Variants in PRKN observed in about 807,000 individuals in gnomAD.
The protein encoded by PRKN is E3 ubiquitin-protein ligase parkin.
In PRKN, 56 loss-of-function variants were observed where a neutral mutation model predicts 59.5. The ratio of observed to expected loss-of-function variants is 0.94; its 90% CI spans 0.76 to 1.18. The LOEUF is 1.18. PRKN is among the 50% of genes most tolerant of loss of function. PRKN has a pLI of 0.00. For missense variants in PRKN, 657 were observed against 596.4 expected, an observed-to-expected ratio of 1.10 and a Z score of -1.06; for synonymous variants, 250 against 222.1, an observed-to-expected ratio of 1.13 and a Z score of -1.12.
At chr6:162,156,504 T>C (rs1002450467) in intron 4 of PRKN, among the ~76,000 whole-genome samples, 1 of 152,164 alleles carries the variant, frequency 6.6e-6, no homozygotes, top group Non-Finnish European at 1.5e-5. Flanking sequence ...AGTCCAAAAG[T>C]TGAAGAACTT....
At chr6:161,732,503 G>C (rs1263056186) in intron 7 of PRKN, among the ~76,000 whole-genome samples, 1 of 151,380 alleles carries the variant, frequency 6.6e-6, no homozygotes, top group Non-Finnish European at 1.5e-5. Flanking sequence ...GTGTGTGTGT[G>C]GAGATAATTC....
intron 1 of PRKN, among the ~76,000 whole-genome samples, chr6:162,509,134 G>C (rs535011906): frequency 6.6e-6 from 1 of 152,158 alleles, no homozygotes; most frequent in Admixed American, 6.5e-5. Context: ...TAACCCAGCA[G>C]CTTTAATGTC....
At chr6:161,802,872 C>T (rs754680253) in intron 6 of PRKN, among the ~76,000 whole-genome samples, 12 of 152,122 alleles carry the variant, frequency 7.9e-5, no homozygotes, top group Non-Finnish European at 1.6e-4. Context: ...AGCTGAGCCA[C>T]GTGGCTTTGT....
At position 162,603,484 on chromosome 6, in the gene PRKN, T is replaced by C. The variant is rs538387608; in HGVS notation, c.7+124178A>G. The stretch of plus-strand genomic sequence containing the variant: ...CATGTTGTCTTTGACTGCCTTTGCA[T>C]GAGAGCATCTGACCTGAGTAGATGG... On this transcript the variant is annotated intron_variant, in intron 1 of 11. Coordinates refer to ENST00000366898, the MANE Select transcript of PRKN (RefSeq NM_004562.3). Among the ~76,000 whole-genome samples, 9 of 152,270 alleles carry C rather than the reference T, an allele frequency of 5.9e-5. No homozygotes were observed. The South Asian group carries it at 1.7e-3, about 28-fold the overall frequency.
At chr6:162,267,444 GAAGA>G (rs1490657648) in intron 2 of PRKN, among the ~76,000 whole-genome samples, 2 of 152,090 alleles carry the variant, frequency 1.3e-5, no homozygotes, top group African/African-American at 4.8e-5. Context: ...TCAGATGTGG[GAAGA>G]AAGAGATTTT....
chr6:162,611,780 G>C (rs1244680429), intron 1 of PRKN, among the ~76,000 whole-genome samples: 1 of 152,126 alleles, frequency 6.6e-6, no homozygotes. Flanking sequence ...GTAGACTCAA[G>C]GTAAATGTTT....
At chr6:162,652,329 A>G (rs1778475507) in intron 1 of PRKN, among the ~76,000 whole-genome samples, 1 of 152,178 alleles carries the variant, frequency 6.6e-6, no homozygotes, top group South Asian at 2.1e-4. Flanking sequence ...CATTATGTAC[A>G]TACTTTCAGT....
chr6:162,553,808 A>T, intron 1 of PRKN, among the ~76,000 whole-genome samples: 1 of 17,278 alleles, frequency 5.8e-5, no homozygotes, highest in Non-Finnish European at 2.0e-4. Context: ...TCTCAAAAAA[A>T]AAAAAAAAAA....
At chr6:161,825,437 C>G (rs1338695618) in intron 6 of PRKN, among the ~76,000 whole-genome samples, 1 of 152,128 alleles carries the variant, frequency 6.6e-6, no homozygotes, top group Non-Finnish European at 1.5e-5. Context: ...CCTCAGGACC[C>G]CTTGGCCTCG....
chr6:162,485,468 G>T (rs1792495453), intron 1 of PRKN, among the ~76,000 whole-genome samples: 1 of 152,154 alleles, frequency 6.6e-6, no homozygotes, highest in Non-Finnish European at 1.5e-5. Flanking sequence ...TTCCTTTGAG[G>T]TCAGAAGTAG....
chr6:161,921,101 A>G (rs549687148), intron 6 of PRKN, among the ~76,000 whole-genome samples: 6 of 152,058 alleles, frequency 3.9e-5, no homozygotes, highest in Non-Finnish European at 8.8e-5. Flanking sequence ...ATATAAATAT[A>G]TTTTCTTCCT....
chr6:162,614,142 T>C (rs1310777542), intron 1 of PRKN, among the ~76,000 whole-genome samples: 3 of 152,146 alleles, frequency 2.0e-5, no homozygotes, highest in East Asian at 1.9e-4. Context: ...TCTTCTCCTA[T>C]AGTAATATTT....
chr6:161,500,361 T>A (rs1419532336), intron 9 of PRKN, among the ~76,000 whole-genome samples: 1 of 152,204 alleles, frequency 6.6e-6, no homozygotes, highest in Non-Finnish European at 1.5e-5. Flanking sequence ...GGTGCTGTAC[T>A]TCCTATGGGT....
intron 2 of PRKN, among the ~76,000 whole-genome samples, chr6:162,304,462 C>G (rs575866285): frequency 6.6e-6 from 1 of 150,740 alleles, no homozygotes; most frequent in South Asian, 2.1e-4. Flanking sequence ...TTCCATATAA[C>G]TAAAATGTAA....
rs1394151128 is a variant in PRKN at position 161,529,368 on chromosome 6, G to A, written c.1083+19486C>T. Among the ~76,000 whole-genome samples the A allele has an allele frequency of 2.0e-5, 3 of 152,124 alleles. No individual in the cohort carries two copies. The highest frequency in any genetic ancestry group is 3.9e-4 in the East Asian group (2 of 5,184). On this transcript the variant is annotated intron_variant, in intron 9 of 11. Transcript: ENST00000366898. The surrounding 1 kb of genome is among the most constrained non-coding windows in gnomAD (Gnocchi z 4.4). ...ACCAAGTTCACAGGCTTAGTGAGGC[G>A]AGTCACACATTAGCCCATCTGCTCT...
At chr6:162,379,624 G>A (rs561445880) in intron 2 of PRKN, among the ~76,000 whole-genome samples, 2 of 152,026 alleles carry the variant, frequency 1.3e-5, no homozygotes, top group East Asian at 1.9e-4. Context: ...TGCCTTTCCC[G>A]CATGGACCCG....
chr6:161,770,315 T>C (rs1178639160), intron 7 of PRKN, among the ~76,000 whole-genome samples: 1 of 152,142 alleles, frequency 6.6e-6, no homozygotes, highest in Non-Finnish European at 1.5e-5. Context: ...TTTTCTGAAC[T>C]TGGGGGTGCT....
intron 5 of PRKN, among the ~76,000 whole-genome samples, chr6:162,041,884 G>C (rs564504684): frequency 2.0e-5 from 3 of 152,004 alleles, no homozygotes; most frequent in Non-Finnish European, 2.9e-5. Flanking sequence ...AGTCCCGTAC[G>C]TGTGGCTGAC....
At chr6:161,816,995 T>G (rs1424914896) in intron 6 of PRKN, among the ~76,000 whole-genome samples, 1 of 152,074 alleles carries the variant, frequency 6.6e-6, no homozygotes, top group Non-Finnish European at 1.5e-5. Context: ...ATTACTTTCA[T>G]ACACACACAC....
Sources: gnomAD v4.1 joint callset for allele counts (sites outside exome capture counted in the v4.1 genomes callset) on GRCh38, gnomAD v4.1.1 for gene constraint, Gnocchi (gnomAD v3.1) non-coding constraint, MANE v1.5 for transcripts, NCBI Gene and HGNC (gene_info 2026-07-23, HGNC 2026-07-21) for gene names.